Variants in ZNF808 observed in about 807,000 individuals in gnomAD.
The protein encoded by ZNF808 is zinc finger protein 808.
ZNF808 carries 5 observed loss-of-function variants against 8.7 expected under a neutral mutation model. The ratio of observed to expected loss-of-function variants is 0.58; its 90% CI spans 0.30 to 1.21. The LOEUF (loss-of-function observed/expected upper bound fraction) is 1.21, where lower values mean the gene tolerates loss of function less well. Among genes scored for constraint, ZNF808 ranks in the 50% most tolerant of loss-of-function variants. ZNF808 has a pLI of 0.07. For synonymous variants in ZNF808, 380 were observed against 366.0 expected (o/e 1.04, Z -0.44); for missense variants, 1,103 against 1,098.4 (o/e 1.00, Z -0.06).
At position 52,555,837 on chromosome 19, in the gene ZNF808, A is replaced by G. The variant is rs1225898543; in HGVS notation, c.*209A>G. ...AAGGTCTTCAGTCAAGCTTCATCCT[A>G]TGCAAAACAGGAGAATTCATACAGG... On this transcript the variant is annotated 3_prime_UTR_variant, in exon 5 of 5. Transcript: ENST00000359798. The G allele has an allele frequency of 1.9e-5, 15 of 801,210 alleles. No homozygotes were observed. Among genetic ancestry groups the G allele is most frequent in the South Asian group, 7.0e-5 (5 of 71,408 alleles). 49.6% of individuals were successfully genotyped at this position (801,210 alleles called of 1,614,324 possible). A position where few individuals can be genotyped will look rare whatever the true frequency, so the allele number is the denominator to read the frequency against.
At chr19:52,552,653 T>C (rs2123186983) in intron 4 of ZNF808, among the ~76,000 whole-genome samples, 1 of 151,878 alleles carries the variant, frequency 6.6e-6, no homozygotes, top group East Asian at 1.9e-4. Context: ...CTTTTGGTTA[T>C]CCTTACATGA....
intron 1 of ZNF808, among the ~76,000 whole-genome samples, chr19:52,528,773 A>G (rs1049618811): frequency 7.9e-5 from 12 of 152,064 alleles, no homozygotes; most frequent in Admixed American, 7.2e-4. Context: ...GGAGTATATC[A>G]GGGAAGAGAG....
chr19:52,545,325 G>A (rs2059710557), intron 3 of ZNF808, among the ~76,000 whole-genome samples: 1 of 152,188 alleles, frequency 6.6e-6, no homozygotes. Context: ...GGGCCACCAC[G>A]TGGGTAACGC....
chr19:52,534,427 C>T (rs1448676717), intron 2 of ZNF808, among the ~76,000 whole-genome samples: 1 of 152,156 alleles, frequency 6.6e-6, no homozygotes, highest in Non-Finnish European at 1.5e-5. Flanking sequence ...CTCTTTTCAA[C>T]CTCTTAGCTG....
chr19:52,553,713 A>G lies in ZNF808; in HGVS notation c.797A>G (p.Lys266Arg), dbSNP rs1322950886. 2 of 1,614,024 alleles carry G rather than the reference A, an allele frequency of 1.2e-6. No homozygotes were observed. The highest frequency in any genetic ancestry group is 1.6e-4 in the Middle Eastern group (1 of 6,084). ...DKQYKCDVCG[K>R]LFNHKQYLAC... is the part of the protein sequence containing the mutation. The stretch of plus-strand genomic sequence containing the variant: ...CAATATAAATGTGATGTATGTGGCA[A>G]GCTCTTTAATCACAAGCAATACCTT... Residue 266 changes from lysine to arginine, a missense_variant, in exon 5 of 5, where the codon AAG (lysine) becomes AGG (arginine). Coordinates refer to ENST00000359798, the MANE Select transcript of ZNF808 (RefSeq NM_001039886.4).
intron 2 of ZNF808, among the ~76,000 whole-genome samples, chr19:52,540,071 G>T (rs1335524470): frequency 1.3e-5 from 2 of 151,970 alleles, no homozygotes; most frequent in Non-Finnish European, 2.9e-5. Context: ...GAGTCTAGTG[G>T]CACGACCTCG....
intron 4 of ZNF808, among the ~76,000 whole-genome samples, chr19:52,548,173 C>T (rs190853455): frequency 1.5e-3 from 235 of 152,272 alleles, no homozygotes; most frequent in East Asian, 8.7e-3. Context: ...GGACATCATT[C>T]GGGCTCACAG....
chr19:52,567,157 C>T (rs1440211919), downstream of ZNF808, among the ~76,000 whole-genome samples: 6 of 151,894 alleles, frequency 4.0e-5, no homozygotes, highest in South Asian at 6.2e-4. Flanking sequence ...TCATCACGTT[C>T]GCAAGGCTGG....
intron 2 of ZNF808, among the ~76,000 whole-genome samples, chr19:52,538,330 A>AATTATTATTATT (rs760151370): frequency 2.4e-5 from 3 of 124,324 alleles, no homozygotes; most frequent in African/African-American, 7.9e-5. Context: ...CCTACATACT[A>AATTATTATTATT]ATTATTATTA....
intron 2 of ZNF808, among the ~76,000 whole-genome samples, chr19:52,542,481 T>C: frequency 1.1e-5 from 1 of 93,104 alleles, no homozygotes; most frequent in East Asian, 4.6e-4. Context: ...ACAAGCAGCC[T>C]TTCTTTCCTA....
chr19:52,552,188 T>C (rs1315475091), intron 4 of ZNF808, among the ~76,000 whole-genome samples: 1 of 151,752 alleles, frequency 6.6e-6, no homozygotes, highest in East Asian at 1.9e-4. Context: ...TGGCTATTTT[T>C]TTGTGTTTTT....
chr19:52,539,714 C>T lies in ZNF808; in HGVS notation c.-19-3552C>T, dbSNP rs1056775151. ...GATTACAGGCACACACCACCATGGC[C>T]GGCTAATTTTGTATTTTCAGTGGAG... On this transcript the variant is annotated intron_variant, in intron 2 of 4. Coordinates refer to ENST00000359798, the MANE Select transcript of ZNF808 (RefSeq NM_001039886.4). 1.7e-4 allele frequency among the ~76,000 whole-genome samples: 26 copies of T among 151,248 alleles called. No homozygotes were observed. The East Asian group carries it at 2.1e-3, about 12-fold the overall frequency.
At chr19:52,566,612 C>G (rs910921889), downstream of ZNF808, among the ~76,000 whole-genome samples, 3 of 152,092 alleles carry the variant, frequency 2.0e-5, no homozygotes, top group African/African-American at 7.2e-5. Context: ...GTTCTTGGGG[C>G]AGAAGCTCAG....
rs201484216 is a variant in ZNF808 at position 52,547,526 on chromosome 19, C to A, written c.78C>A (p.Phe26Leu). ...GMALPQGRLT[F>L]RDVAIEFSLA... ...TTTCATTTTAGGGACGCTTGACTTT[C>A]AGGGATGTGGCTATAGAATTCTCAT... Residue 26 changes from phenylalanine (F) to leucine (L), a missense_variant, in exon 4 of 5, where the codon TTC becomes TTA. By Grantham distance (22) the Phe-to-Leu change is conservative. Transcript: ENST00000359798. 301 of 1,613,928 alleles carry A rather than the reference C, an allele frequency of 1.9e-4. No individual in the cohort carries two copies. The highest frequency in any genetic ancestry group is 2.3e-4 in the Non-Finnish European group (270 of 1,179,952).
intron 4 of ZNF808, among the ~76,000 whole-genome samples, chr19:52,548,235 A>G (rs1204412113): frequency 6.6e-6 from 1 of 151,988 alleles, no homozygotes; most frequent in Non-Finnish European, 1.5e-5. Context: ...CACATTTTTC[A>G]CACCAATATG....
At position 52,553,768 on chromosome 19, in the gene ZNF808, G is replaced by T; in HGVS notation, c.852G>T (p.Glu284Asp). ...GCCATCGTAGATGTCACACTGGAGA[G>T]AAACCTTACAAGTGTAAAGAGTGTG... is the stretch of plus-strand genomic sequence containing the variant. ...LACHRRCHTG[E>D]KPYKCKECGK... is the part of the protein sequence containing the mutation. Residue 284 changes from glutamate to aspartate, a missense_variant, in exon 5 of 5, where the codon GAG (glutamate) becomes GAT (aspartate). Glu to Asp is a conservative substitution (Grantham distance 45). Transcript: ENST00000359798. 1 of 1,614,154 alleles carries T rather than the reference G, an allele frequency of 6.2e-7. No homozygotes were observed. The highest frequency in any genetic ancestry group is 8.5e-7 in the Non-Finnish European group (1 of 1,180,024).
At position 52,564,250 on chromosome 19, in the gene ZNF808, G is replaced by A. The variant is rs947954091; in HGVS notation, c.*1355G>A. The A allele has an allele frequency of 2.9e-5, 26 of 911,994 alleles. 1 individual carries two copies. The South Asian group carries it at 3.5e-4, about 12-fold the overall frequency. The allele number at this position is 911,994 out of a possible 1,614,324, so 56.5% of individuals were successfully genotyped here. ...TCTATAAGGAATTGCACGTGAGATG[G>A]CACACATATTTATGCTGTGTGAGCA... is the stretch of plus-strand genomic sequence containing the variant. On this transcript the variant is annotated 3_prime_UTR_variant and NMD_transcript_variant, in exon 4 of 4. Transcript: ENST00000487863.
intron 1 of ZNF808, among the ~76,000 whole-genome samples, chr19:52,529,592 T>C (rs1016702344): frequency 1.3e-5 from 2 of 152,330 alleles, no homozygotes; most frequent in East Asian, 1.9e-4. Flanking sequence ...TTGGAATCCC[T>C]ATTCAACCAG....
chr19:52,554,599 C>T lies in ZNF808; in HGVS notation c.1683C>T (p.His561=), dbSNP rs1455669626. The change falls in exon 5 of 5, where the codon CAC becomes CAT. Residue 561 remains histidine, a synonymous_variant. Coordinates refer to ENST00000359798, the MANE Select transcript of ZNF808 (RefSeq NM_001039886.4). ...TCCTGGCTGTACATACTAGAATTCA[C>T]ACTGCAAAGAAACCTTACAAGTGTA... ...NSVLAVHTRI[H]TAKKPYKCNE... is the part of the protein sequence containing the mutation. 2.5e-6 allele frequency: 4 copies of T among 1,613,406 alleles called. No individual in the cohort carries two copies. In the East Asian group the frequency reaches 8.9e-5, roughly 36 times the overall value.
Sources: allele counts gnomAD v4.1 joint callset (sites outside exome capture counted in the v4.1 genomes callset), GRCh38; gene constraint gnomAD v4.1.1; transcripts MANE v1.5; gene names NCBI Gene and HGNC (gene_info 2026-07-23, HGNC 2026-07-21).